Variants in PRKD1 observed in about 807,000 individuals in gnomAD.
PRKD1 encodes serine/threonine-protein kinase D1.
PRKD1 carries 63 observed loss-of-function variants against 95.9 expected under a neutral mutation model. That is an observed-to-expected ratio of 0.66 (90% confidence interval 0.54 to 0.81). The LOEUF (loss-of-function observed/expected upper bound fraction) is 0.81, where lower values mean the gene tolerates loss of function less well. Among genes scored for constraint, PRKD1 ranks in the 30% least tolerant of loss-of-function variants. The pLI is 0.00. For synonymous variants in PRKD1, 425 were observed against 423.1 expected, an observed-to-expected ratio of 1.00 and a Z score of -0.05; for missense variants, 1,048 against 1,165.3, an observed-to-expected ratio of 0.90 and a Z score of 1.47.
chr14:29,617,621 A>G (rs1878955041), intron 13 of PRKD1, among the ~76,000 whole-genome samples: 1 of 152,212 alleles, frequency 6.6e-6, no homozygotes, highest in Non-Finnish European at 1.5e-5. Flanking sequence ...AATCCATTAG[A>G]ATTATATGTA....
intron 1 of PRKD1, among the ~76,000 whole-genome samples, chr14:29,842,078 C>A (rs543549976): frequency 6.6e-6 from 1 of 152,262 alleles, no homozygotes; most frequent in African/African-American, 2.4e-5. Flanking sequence ...ACATCTTGTC[C>A]CACTGGAATG....
intron 1 of PRKD1, among the ~76,000 whole-genome samples, chr14:29,813,003 A>T (rs1323377142): frequency 6.6e-6 from 1 of 152,078 alleles, no homozygotes; most frequent in East Asian, 1.9e-4. Context: ...CCAGCTACTC[A>T]GGAGGCTGAG....
intron 1 of PRKD1, among the ~76,000 whole-genome samples, chr14:29,861,356 T>C (rs1347317704): frequency 6.6e-6 from 1 of 152,206 alleles, no homozygotes; most frequent in East Asian, 1.9e-4. Context: ...TTTTATACCA[T>C]ACATAACCTG....
At chr14:29,748,194 T>C (rs1379282736) in intron 1 of PRKD1, among the ~76,000 whole-genome samples, 1 of 152,232 alleles carries the variant, frequency 6.6e-6, no homozygotes, top group East Asian at 1.9e-4. Context: ...CTATAATTTA[T>C]TGAATGTATG....
At chr14:29,587,585 T>C (rs1022689764) in intron 16 of PRKD1, among the ~76,000 whole-genome samples, 1 of 152,208 alleles carries the variant, frequency 6.6e-6, no homozygotes, top group African/African-American at 2.4e-5. Context: ...CTGAGCAGCT[T>C]CTCTCTATAA....
At chr14:29,628,141 T>C (rs922325692) in intron 11 of PRKD1, among the ~76,000 whole-genome samples, 1 of 152,218 alleles carries the variant, frequency 6.6e-6, no homozygotes, top group Non-Finnish European at 1.5e-5. Context: ...AGCACAAGAA[T>C]TTATCTAACC....
Position 29,604,145 on chromosome 14 carries a change from C to G in PRKD1, c.1906-4328G>C, listed in dbSNP as rs141749290. Among the ~76,000 whole-genome samples, 61 of 152,158 alleles carry G rather than the reference C, an allele frequency of 4.0e-4. No homozygotes were observed. In the Middle Eastern group the frequency reaches 0.01, roughly 25 times the overall value. ...ACTAATTCTAATTTTTTTGTTTTTA[C>G]GTAATTCTCATTTACATTTTTTGAT... On this transcript the variant is annotated intron_variant, in intron 13 of 17. Coordinates refer to ENST00000331968, the MANE Select transcript of PRKD1 (RefSeq NM_002742.3).
intron 1 of PRKD1, among the ~76,000 whole-genome samples, chr14:29,926,486 G>C (rs45550438): frequency 6.6e-6 from 1 of 152,088 alleles, no homozygotes; most frequent in Admixed American, 6.5e-5. Context: ...GGGGTGGCCT[G>C]GCCCCGGATA....
At chr14:29,662,626 T>G (rs1249269253) in intron 4 of PRKD1, among the ~76,000 whole-genome samples, 2 of 152,100 alleles carry the variant, frequency 1.3e-5, no homozygotes, top group Non-Finnish European at 2.9e-5. Flanking sequence ...TCATTTCATT[T>G]ATACTCCTGG....
At chr14:29,780,769 C>A (rs1320439724) in intron 1 of PRKD1, among the ~76,000 whole-genome samples, 1 of 152,106 alleles carries the variant, frequency 6.6e-6, no homozygotes, top group Non-Finnish European at 1.5e-5. Context: ...TACCATTTGA[C>A]CCAGCCATCC....
Position 29,884,212 on chromosome 14 carries a change from G to A in PRKD1, c.264+43037C>T, listed in dbSNP as rs142707630. Reference sequence around the variant, plus strand: ...AAAGCATTTTTTTAAAACAATGAATGCAATTTGTATACAATTTTTACTGGC... The same window carrying A: ...AAAGCATTTTTTTAAAACAATGAATACAATTTGTATACAATTTTTACTGGC... On this transcript the variant is annotated intron_variant, in intron 1 of 17. Coordinates refer to ENST00000331968, the MANE Select transcript of PRKD1 (RefSeq NM_002742.3). 2.1e-3 allele frequency among the ~76,000 whole-genome samples: 316 copies of A among 152,184 alleles called. 4 individuals are homozygous for A. Among genetic ancestry groups the A allele is most frequent in the African/African-American group, 7.0e-3 (289 of 41,538 alleles).
chr14:29,886,267 G>C lies in PRKD1; in HGVS notation c.264+40982C>G, dbSNP rs183979463. On this transcript the variant is annotated intron_variant, in intron 1 of 17. Transcript: ENST00000331968. ...ATCAACAAAATTTCAGAGTTTACCT[G>C]GTATGTTCAACAGCTCAAACTGCTT... Among the ~76,000 whole-genome samples, 3 of 152,282 alleles carry C rather than the reference G, an allele frequency of 2.0e-5. No individual in the cohort carries two copies. The East Asian group carries it at 5.8e-4, about 29-fold the overall frequency.
chr14:29,719,540 T>C (rs1341570529), intron 2 of PRKD1, among the ~76,000 whole-genome samples: 1 of 152,198 alleles, frequency 6.6e-6, no homozygotes. Context: ...CTAAATGGTA[T>C]TGAAATGGTA....
chr14:29,810,717 C>T (rs1477232051), intron 1 of PRKD1, among the ~76,000 whole-genome samples: 2 of 152,220 alleles, frequency 1.3e-5, no homozygotes, highest in Non-Finnish European at 2.9e-5. Context: ...TTCCAGGTGG[C>T]AGGCACCTGC....
intron 1 of PRKD1, among the ~76,000 whole-genome samples, chr14:29,777,311 A>C (rs994396706): frequency 1.6e-4 from 24 of 152,226 alleles, no homozygotes; most frequent in Non-Finnish European, 1.8e-4. Flanking sequence ...CTTAAATGTA[A>C]ATGGGCTAAA....
intron 1 of PRKD1, among the ~76,000 whole-genome samples, chr14:29,807,225 C>A (rs994476038): frequency 6.6e-6 from 1 of 152,058 alleles, no homozygotes; most frequent in Non-Finnish European, 1.5e-5. Flanking sequence ...CACTGGCTCA[C>A]TGCTCAACTC....
At chr14:29,908,011 C>A (rs528941463) in intron 1 of PRKD1, among the ~76,000 whole-genome samples, 3 of 151,816 alleles carry the variant, frequency 2.0e-5, no homozygotes, top group African/African-American at 7.3e-5. Flanking sequence ...ATTTGTTCAC[C>A]GTGAAACTGT....
chr14:29,790,941 T>C (rs1323221259), intron 1 of PRKD1, among the ~76,000 whole-genome samples: 1 of 152,212 alleles, frequency 6.6e-6, no homozygotes, highest in Admixed American at 6.5e-5. Flanking sequence ...AGTTCTAACA[T>C]AGCTCCTCTT....
intron 1 of PRKD1, among the ~76,000 whole-genome samples, chr14:29,809,090 T>C (rs1890371848): frequency 6.6e-6 from 1 of 152,232 alleles, no homozygotes; most frequent in African/African-American, 2.4e-5. Context: ...CCAGAGCTCT[T>C]GGGTGACCAG....
Sources: gnomAD v4.1 joint callset for allele counts (sites outside exome capture counted in the v4.1 genomes callset) on GRCh38, gnomAD v4.1.1 for gene constraint, MANE v1.5 for transcripts, NCBI Gene and HGNC (gene_info 2026-07-23, HGNC 2026-07-21) for gene names.